Variants in ZC3H12B observed in about 807,000 individuals in gnomAD.
ZC3H12B encodes probable ribonuclease ZC3H12B.
A neutral mutation model predicts 43.9 loss-of-function variants in ZC3H12B; 7 were observed. The observed-to-expected ratio is 0.16, with a 90% CI of 0.09 to 0.30. ZC3H12B has a LOEUF of 0.30. ZC3H12B is among the 10% of genes least tolerant of loss of function. The pLI, the probability that ZC3H12B is intolerant of heterozygous loss-of-function variation, is 1.00. For missense variants in ZC3H12B, 475 were observed against 670.2 expected, an observed-to-expected ratio of 0.71 and a Z score of 3.22; for synonymous variants, 222 against 241.7, an observed-to-expected ratio of 0.92 and a Z score of 0.76.
At chrX:65,373,908 G>GTATATATATATATAGT (rs1491194188) in intron 2 of ZC3H12B, among the ~76,000 whole-genome samples, 123 of 5,822 alleles carry the variant, frequency 0.021, 7 homozygotes, top group Admixed American at 0.032. Flanking sequence ...TATATATATA[G>GTATATATATATATAGT]TTATATATAT....
At chrX:65,392,673 G>T (rs1344441338) in intron 2 of ZC3H12B, among the ~76,000 whole-genome samples, 1 of 112,116 alleles carries the variant, frequency 8.9e-6, no homozygotes, top group Non-Finnish European at 1.9e-5. Context: ...GGGGTGGGGG[G>T]CCCCTCTGCC....
chrX:65,466,831 T>C (rs1270993853), intron 3 of ZC3H12B, among the ~76,000 whole-genome samples: 1 of 97,317 alleles, frequency 1.0e-5, no homozygotes, highest in African/African-American at 3.6e-5. Flanking sequence ...TTTGAGCACC[T>C]TTTCTTATAC....
the ZC3H12B span, among the ~76,000 whole-genome samples, chrX:65,138,802 T>G: frequency 8.9e-6 from 1 of 111,796 alleles, no homozygotes; most frequent in Non-Finnish European, 1.9e-5. Context: ...TGAGATGATA[T>G]TTCATTATGG....
At chrX:65,495,607 GT>G (rs761972010) in intron 1 of ZC3H12B, among the ~76,000 whole-genome samples, 1 of 112,022 alleles carries the variant, frequency 8.9e-6, no homozygotes, top group African/African-American at 3.2e-5. Context: ...CATCCAAGCT[GT>G]TTAATTAACT....
the ZC3H12B span, among the ~76,000 whole-genome samples, chrX:65,143,562 CTT>C: frequency 1.5e-4 from 15 of 97,111 alleles, no homozygotes; most frequent in Admixed American, 2.3e-4. Flanking sequence ...GGTGAATTAT[CTT>C]TTTTTTTTTT....
intron 3 of ZC3H12B, among the ~76,000 whole-genome samples, chrX:65,460,783 C>G (rs1417284259): frequency 9.0e-6 from 1 of 111,479 alleles, no homozygotes; most frequent in Non-Finnish European, 1.9e-5. Flanking sequence ...CAATACCATT[C>G]AGGACATAGG....
At chrX:65,299,891 C>A in the ZC3H12B span, among the ~76,000 whole-genome samples, 3 of 112,315 alleles carry the variant, frequency 2.7e-5, no homozygotes, top group Non-Finnish European at 5.6e-5. Flanking sequence ...ACTGGGGAAC[C>A]TGAGGTTCCA....
At chrX:65,389,291 G>A (rs774278475) in intron 2 of ZC3H12B, among the ~76,000 whole-genome samples, 35 of 112,128 alleles carry the variant, frequency 3.1e-4, no homozygotes, top group Middle Eastern at 4.6e-3. Context: ...CACCCAGTTC[G>A]CGCTTCCCAG....
At chrX:65,289,420 A>G in the ZC3H12B span, among the ~76,000 whole-genome samples, 1 of 110,082 alleles carries the variant, frequency 9.1e-6, no homozygotes, top group Non-Finnish European at 1.9e-5. Flanking sequence ...TGATGAGATT[A>G]TTCATAACCA....
the ZC3H12B span, among the ~76,000 whole-genome samples, chrX:65,035,545 G>T: frequency 1.8e-5 from 2 of 111,107 alleles, no homozygotes; most frequent in African/African-American, 3.3e-5. Flanking sequence ...CAGTCACGCA[G>T]CCTGATTCCT....
the ZC3H12B span, among the ~76,000 whole-genome samples, chrX:65,072,876 C>T: frequency 8.9e-6 from 1 of 112,635 alleles, no homozygotes; most frequent in Non-Finnish European, 1.9e-5. Flanking sequence ...GAGACCCCTA[C>T]TTGTTACTGT....
the ZC3H12B span, among the ~76,000 whole-genome samples, chrX:65,059,830 A>G: frequency 8.9e-6 from 1 of 111,895 alleles, no homozygotes; most frequent in Non-Finnish European, 1.9e-5. Context: ...CATTTTAACA[A>G]TATTGATTCT....
chrX:65,156,727 G>T, the ZC3H12B span, among the ~76,000 whole-genome samples: 7 of 110,410 alleles, frequency 6.3e-5, no homozygotes, highest in Admixed American at 2.9e-4. Context: ...TGTTGCCCAG[G>T]CTGATCTCTA....
chrX:65,411,139 C>A (rs1469267438), intron 3 of ZC3H12B, among the ~76,000 whole-genome samples: 3 of 112,117 alleles, frequency 2.7e-5, no homozygotes, highest in Admixed American at 9.4e-5. Flanking sequence ...AAAATGAGAT[C>A]CTGTCATTTA....
At chrX:65,078,131 A>G in the ZC3H12B span, among the ~76,000 whole-genome samples, 1 of 112,194 alleles carries the variant, frequency 8.9e-6, no homozygotes, top group Non-Finnish European at 1.9e-5. Context: ...AGCATCTACC[A>G]AGAAGGGAGA....
At chrX:65,159,257 CTCT>C in the ZC3H12B span, among the ~76,000 whole-genome samples, 1 of 111,754 alleles carries the variant, frequency 8.9e-6, no homozygotes, top group African/African-American at 3.3e-5. Context: ...GCGATGCGGG[CTCT>C]TCTTTGGTTC....
the ZC3H12B span, among the ~76,000 whole-genome samples, chrX:65,292,570 G>A: frequency 9.0e-6 from 1 of 110,832 alleles, no homozygotes; most frequent in Non-Finnish European, 1.9e-5. Flanking sequence ...AACTACTCTG[G>A]CACATATTTA....
chrX:65,104,800 TTGG>T, the ZC3H12B span, among the ~76,000 whole-genome samples: 4 of 111,606 alleles, frequency 3.6e-5, no homozygotes, highest in Admixed American at 9.5e-5. Flanking sequence ...TTGTACACTA[TTGG>T]TGGGAGTGTA....
chrX:65,147,826 C>T, the ZC3H12B span, among the ~76,000 whole-genome samples: 1 of 110,111 alleles, frequency 9.1e-6, no homozygotes, highest in Non-Finnish European at 1.9e-5. Context: ...GATCCTGGGT[C>T]TGTGGGGGCT....
Sources: gnomAD v4.1 joint callset for allele counts (sites outside exome capture counted in the v4.1 genomes callset) on GRCh38, gnomAD v4.1.1 for gene constraint, MANE v1.5 for transcripts, NCBI Gene and HGNC (gene_info 2026-07-23, HGNC 2026-07-21) for gene names.